Variants in RGS7 observed in about 807,000 individuals in gnomAD.
RGS7 encodes regulator of G protein signaling 7.
In RGS7, 27 loss-of-function variants were observed where a neutral mutation model predicts 81.1. The observed-to-expected ratio is 0.33, with a 90% confidence interval of 0.25 to 0.46. The LOEUF is 0.46. RGS7 is among the 20% of genes least tolerant of loss of function. The probability of loss-of-function intolerance (pLI) is 1.00; values close to 1 mark genes in which losing one functional copy is unlikely to be tolerated. For synonymous variants in RGS7, 208 were observed against 207.7 expected (o/e 1.00, Z -0.01); for missense variants, 396 against 607.4 (o/e 0.65, Z 3.66).
At chr1:240,863,055 G>T (rs1366062955) in intron 9 of RGS7, among the ~76,000 whole-genome samples, 6 of 152,146 alleles carry the variant, frequency 3.9e-5, no homozygotes. Context: ...CTGGCCGCAA[G>T]GAATCCTCTT....
At chr1:240,838,530 A>C (rs899421617) in intron 9 of RGS7, among the ~76,000 whole-genome samples, 1 of 152,222 alleles carries the variant, frequency 6.6e-6, no homozygotes, top group African/African-American at 2.4e-5. Context: ...ATTCAACTTG[A>C]TTTCCAAAAA....
intron 4 of RGS7, among the ~76,000 whole-genome samples, chr1:240,967,700 TG>T (rs1682566945): frequency 6.6e-6 from 1 of 151,310 alleles, no homozygotes; most frequent in Admixed American, 6.6e-5. Flanking sequence ...AGACACTGAG[TG>T]GGGCTCGTTC....
intron 2 of RGS7, among the ~76,000 whole-genome samples, chr1:241,261,084 A>T (rs775519385): frequency 2.6e-5 from 4 of 152,134 alleles, no homozygotes; most frequent in African/African-American, 4.8e-5. Context: ...ATTAAAAAAA[A>T]ATTAAAACAA....
chr1:241,197,234 A>G (rs2073148909), intron 2 of RGS7, among the ~76,000 whole-genome samples: 1 of 151,318 alleles, frequency 6.6e-6, no homozygotes, highest in Non-Finnish European at 1.5e-5. Flanking sequence ...ATACCATAAA[A>G]ATACTAATCA....
At chr1:241,134,573 T>G (rs74810074) in intron 2 of RGS7, among the ~76,000 whole-genome samples, 1,912 of 152,316 alleles carry the variant, frequency 0.013, 28 homozygotes, top group African/African-American at 0.043. Context: ...AGAATGGATA[T>G]TAGATGACTA....
chr1:241,327,147 G>GAAAGAAAGAAAAGAAAAGA (rs2081645273), intron 2 of RGS7, among the ~76,000 whole-genome samples: 1 of 74,428 alleles, frequency 1.3e-5, no homozygotes, highest in Non-Finnish European at 3.0e-5. Flanking sequence ...AGAAAGAAAG[G>GAAAGAAAGAAAAGAAAAGA]AAAGAAAGAA....
At position 240,813,645 on chromosome 1, in the gene RGS7, T is replaced by C. The variant is rs1276547618; in HGVS notation, c.929A>G (p.Asp310Gly). 3 of 1,613,328 alleles carry C rather than the reference T, an allele frequency of 1.9e-6. No individual in the cohort carries two copies. In the Admixed American group the frequency reaches 5.0e-5, roughly 27 times the overall value. Residue 310 changes from aspartate to glycine, a missense_variant, in exon 13 of 19, where the codon GAC (aspartate) becomes GGC (glycine). Transcript: ENST00000440928. The part of the protein sequence containing the change: ...PDPSNPWLSD[D>G]TTFWELEASK... ...TGCCTCAAGTTCCCAGAAAGTGGTG[T>C]CATCGGACAGCCATGGGTTAGAAGG...
At chr1:241,105,169 C>T (rs2065021737) in intron 2 of RGS7, among the ~76,000 whole-genome samples, 1 of 152,092 alleles carries the variant, frequency 6.6e-6, no homozygotes, top group Admixed American at 6.5e-5. Flanking sequence ...GGAATTTCTT[C>T]CTTTATGCTC....
At chr1:240,922,628 T>C (rs376539817) in intron 6 of RGS7, among the ~76,000 whole-genome samples, 1 of 152,192 alleles carries the variant, frequency 6.6e-6, no homozygotes, top group Admixed American at 6.5e-5. Flanking sequence ...AGGTGCTCAA[T>C]ATCATATGTT....
intron 3 of RGS7, among the ~76,000 whole-genome samples, chr1:241,014,222 G>T (rs761983240): frequency 6.6e-6 from 1 of 151,916 alleles, no homozygotes; most frequent in Non-Finnish European, 1.5e-5. Flanking sequence ...TATTGAATTT[G>T]AAGTCTTGAA....
intron 2 of RGS7, among the ~76,000 whole-genome samples, chr1:241,326,131 T>C (rs891788088): frequency 2.0e-5 from 3 of 152,164 alleles, no homozygotes; most frequent in Admixed American, 1.3e-4. Context: ...CTAGGATGTG[T>C]ACTCAAACAG....
At position 241,355,683 on chromosome 1, in the gene RGS7, C is replaced by A. The variant is rs535643271; in HGVS notation, c.78+16G>T. ...CGGAAGTTTCCCGTTTTCCAAGAAA[C>A]TGAAGACATTCTTACCTTTCTGTAC... On this transcript the variant is annotated intron_variant, in intron 2 of 18. Coordinates refer to ENST00000440928, the MANE Select transcript of RGS7 (RefSeq NM_001364886.1). 7 of 1,610,978 alleles carry A rather than the reference C, an allele frequency of 4.3e-6. No individual in the cohort carries two copies. In the South Asian group the frequency reaches 7.7e-5, roughly 18 times the overall value.
chr1:240,848,454 T>C (rs997274710), intron 9 of RGS7, among the ~76,000 whole-genome samples: 2 of 152,136 alleles, frequency 1.3e-5, no homozygotes, highest in Non-Finnish European at 2.9e-5. Context: ...GGACACACAA[T>C]AATTTTTAGG....
chr1:240,938,231 C>T (rs1186144710), intron 4 of RGS7, among the ~76,000 whole-genome samples: 3 of 152,144 alleles, frequency 2.0e-5, no homozygotes, highest in Non-Finnish European at 4.4e-5. Context: ...GTTGAATCCA[C>T]AGATGTGGAA....
At chr1:240,897,897 G>A (rs574144060) in intron 6 of RGS7, among the ~76,000 whole-genome samples, 133 of 152,278 alleles carry the variant, frequency 8.7e-4, no homozygotes, top group African/African-American at 3.2e-3. Context: ...ATTTGGCTGT[G>A]AATCCGTCTG....
chr1:240,969,190 TC>T (rs1382564871), intron 4 of RGS7, among the ~76,000 whole-genome samples: 1 of 152,224 alleles, frequency 6.6e-6, no homozygotes, highest in African/African-American at 2.4e-5. Flanking sequence ...CTATTCTTCT[TC>T]CCTTCTTCCT....
chr1:241,032,622 T>C (rs762528662), intron 3 of RGS7, among the ~76,000 whole-genome samples: 17 of 152,224 alleles, frequency 1.1e-4, no homozygotes, highest in Admixed American at 2.0e-4. Context: ...TGGGATAGTT[T>C]TTCATTTGTT....
At chr1:241,065,774 T>C (rs1269734333) in intron 3 of RGS7, among the ~76,000 whole-genome samples, 2 of 152,236 alleles carry the variant, frequency 1.3e-5, no homozygotes, top group East Asian at 3.8e-4. Flanking sequence ...CTAAGTCTTA[T>C]GCCTGCATGT....
chr1:241,270,895 G>A (rs1025057868), intron 2 of RGS7, among the ~76,000 whole-genome samples: 8 of 139,856 alleles, frequency 5.7e-5, no homozygotes, highest in South Asian at 2.5e-4. Context: ...AGTAGCTGGG[G>A]CTACAGGAGC....
Sources: allele counts gnomAD v4.1 joint callset (sites outside exome capture counted in the v4.1 genomes callset), GRCh38; gene constraint gnomAD v4.1.1; transcripts MANE v1.5; gene names NCBI Gene and HGNC (gene_info 2026-07-23, HGNC 2026-07-21).